Variants in SNTG1 observed in about 807,000 individuals in gnomAD.
SNTG1 encodes gamma-1-syntrophin.
Under a neutral mutation model 74.7 loss-of-function variants are expected in SNTG1, and 39 were observed. The observed-to-expected ratio is 0.52, with a 90% CI of 0.40 to 0.68. The LOEUF (loss-of-function observed/expected upper bound fraction) is 0.68. Among genes scored for constraint, SNTG1 ranks in the 30% least tolerant of loss-of-function variants. SNTG1 has a pLI of 0.00. For synonymous variants in SNTG1, 254 were observed against 217.1 expected (o/e 1.17, Z -1.49); for missense variants, 685 against 609.5 (o/e 1.12, Z -1.30).
chr8:50,463,382 C>T (rs941000043), intron 8 of SNTG1, among the ~76,000 whole-genome samples: 5 of 152,086 alleles, frequency 3.3e-5, no homozygotes, highest in East Asian at 3.9e-4. Context: ...TATCACCTTA[C>T]GAAATGTATT....
chr8:50,196,794 TAAAAATACAAAAAA>T (rs2083786058), intron 2 of SNTG1, among the ~76,000 whole-genome samples: 1 of 131,766 alleles, frequency 7.6e-6, no homozygotes, highest in Non-Finnish European at 1.6e-5. Flanking sequence ...CCATCTCTAC[TAAAAATACAAAAAA>T]AAAAAAACAA....
intron 13 of SNTG1, among the ~76,000 whole-genome samples, chr8:50,629,806 T>A (rs911615873): frequency 6.6e-6 from 1 of 152,194 alleles, no homozygotes; most frequent in African/African-American, 2.4e-5. Flanking sequence ...TTTTCTCTAC[T>A]TTTTAAAATG....
intron 13 of SNTG1, among the ~76,000 whole-genome samples, chr8:50,652,510 T>C (rs1189916262): frequency 4.6e-5 from 7 of 151,926 alleles, no homozygotes. Flanking sequence ...TAAAGGTATG[T>C]TATCAGGCCG....
chr8:50,553,534 G>T (rs1169749794), intron 12 of SNTG1, among the ~76,000 whole-genome samples: 1 of 152,258 alleles, frequency 6.6e-6, no homozygotes, highest in African/African-American at 2.4e-5. Context: ...TCTTAGAATT[G>T]CAGCTAGGAA....
At chr8:49,951,660 A>G (rs1809716214) in intron 1 of SNTG1, among the ~76,000 whole-genome samples, 1 of 151,676 alleles carries the variant, frequency 6.6e-6, no homozygotes, top group Non-Finnish European at 1.5e-5. Flanking sequence ...CTAAGGCTAG[A>G]TGACGAGTTA....
At chr8:50,265,476 C>A (rs1441776933) in intron 2 of SNTG1, among the ~76,000 whole-genome samples, 1 of 152,094 alleles carries the variant, frequency 6.6e-6, no homozygotes, top group Non-Finnish European at 1.5e-5. Flanking sequence ...ATCTGATCAA[C>A]CTTATAAAGG....
intron 8 of SNTG1, among the ~76,000 whole-genome samples, chr8:50,466,143 A>C (rs897598305): frequency 3.3e-5 from 5 of 152,098 alleles, no homozygotes; most frequent in Admixed American, 1.3e-4. Context: ...AGGTTATTTT[A>C]TACTCCACTT....
intron 13 of SNTG1, among the ~76,000 whole-genome samples, chr8:50,639,729 A>T (rs2095060871): frequency 6.6e-6 from 1 of 152,074 alleles, no homozygotes; most frequent in Non-Finnish European, 1.5e-5. Flanking sequence ...CAGCCTCAGT[A>T]TTATAAACTG....
chr8:50,439,060 T>C (rs866658968), intron 5 of SNTG1, among the ~76,000 whole-genome samples: 7 of 152,190 alleles, frequency 4.6e-5, no homozygotes, highest in Non-Finnish European at 8.8e-5. Context: ...GTGCTAATCA[T>C]ATAGGATAGA....
chr8:50,578,339 G>T (rs1195322206), intron 12 of SNTG1, among the ~76,000 whole-genome samples: 1 of 152,086 alleles, frequency 6.6e-6, no homozygotes, highest in Admixed American at 6.6e-5. Context: ...GTGAATTAAA[G>T]GATATTTAAT....
At chr8:50,021,181 A>C (rs1416764901) in intron 1 of SNTG1, among the ~76,000 whole-genome samples, 1 of 152,158 alleles carries the variant, frequency 6.6e-6, no homozygotes, top group Non-Finnish European at 1.5e-5. Context: ...GCTCTGGCAA[A>C]TTTCCATGAT....
At chr8:50,384,869 T>A (rs1432459102) in intron 2 of SNTG1, among the ~76,000 whole-genome samples, 4 of 152,142 alleles carry the variant, frequency 2.6e-5, no homozygotes, top group Non-Finnish European at 5.9e-5. Context: ...TTTGATGATG[T>A]GTACCCCTAA....
At chr8:50,327,560 T>G (rs749111012) in intron 2 of SNTG1, among the ~76,000 whole-genome samples, 1 of 152,140 alleles carries the variant, frequency 6.6e-6, no homozygotes, top group Non-Finnish European at 1.5e-5. Context: ...CATATTTAAG[T>G]GGGTCTATTA....
At chr8:50,073,617 A>G (rs990789619) in intron 1 of SNTG1, among the ~76,000 whole-genome samples, 22 of 152,234 alleles carry the variant, frequency 1.4e-4, no homozygotes, top group African/African-American at 5.3e-4. Context: ...AAGAATCACT[A>G]TAGCCTTAGA....
At chr8:50,158,490 T>C (rs2082319242) in intron 1 of SNTG1, among the ~76,000 whole-genome samples, 2 of 152,150 alleles carry the variant, frequency 1.3e-5, no homozygotes, top group South Asian at 4.1e-4. Flanking sequence ...GGACTTCTAT[T>C]TAGAATAACA....
chr8:50,109,752 G>A (rs1299544265), intron 1 of SNTG1, among the ~76,000 whole-genome samples: 1 of 152,098 alleles, frequency 6.6e-6, no homozygotes, highest in Non-Finnish European at 1.5e-5. Context: ...CCTATTGAAG[G>A]GAAATTGAGA....
chr8:50,625,429 T>A (rs1336740776), intron 13 of SNTG1, among the ~76,000 whole-genome samples: 2 of 152,198 alleles, frequency 1.3e-5, no homozygotes, highest in African/African-American at 4.8e-5. Context: ...ATGGGTATAC[T>A]GATCAACTTG....
intron 17 of SNTG1, among the ~76,000 whole-genome samples, chr8:50,727,514 T>A (rs11992671): frequency 0.2 from 31,119 of 152,104 alleles, 3,308 homozygotes; most frequent in South Asian, 0.32. Flanking sequence ...ACTGGCTTTT[T>A]ATGCTAAAGT....
At chr8:49,916,350 C>A (rs1449688727) in intron 1 of SNTG1, among the ~76,000 whole-genome samples, 1 of 152,118 alleles carries the variant, frequency 6.6e-6, no homozygotes, top group South Asian at 2.1e-4. Flanking sequence ...ACATTCTACA[C>A]ACTGAAAGAG....
Sources: gnomAD v4.1 joint callset for allele counts (sites outside exome capture counted in the v4.1 genomes callset) on GRCh38, gnomAD v4.1.1 for gene constraint, MANE v1.5 for transcripts, NCBI Gene and HGNC (gene_info 2026-07-23, HGNC 2026-07-21) for gene names.